Variants in RASA3 observed in about 807,000 individuals in gnomAD.
RASA3 encodes the protein RAS p21 protein activator 3.
A neutral mutation model predicts 110.0 loss-of-function variants in RASA3; 73 were observed. The observed-to-expected ratio is 0.66, with a 90% CI of 0.55 to 0.81. The LOEUF (loss-of-function observed/expected upper bound fraction) is 0.81. RASA3 is among the 30% of genes least tolerant of loss of function. RASA3 has a pLI of 0.00. For missense variants in RASA3, 976 were observed against 1,113.2 expected (o/e 0.88, Z 1.75); for synonymous variants, 500 against 451.4 (o/e 1.11, Z -1.37).
chr13:114,132,429 ACT>A lies in RASA3; in HGVS notation c.55+4_55+5del. 7 of 1,521,442 alleles carry A rather than the reference ACT, an allele frequency of 4.6e-6. No individual in the cohort carries two copies. Among genetic ancestry groups the A allele is most frequent in the Non-Finnish European group, 6.1e-6 (7 of 1,141,588 alleles). The allele number at this position is 1,521,442 out of a possible 1,614,324, so 94.2% of individuals were successfully genotyped here. On this transcript the variant is annotated splice_donor_5th_base_variant and intron_variant, in intron 1 of 23. Coordinates refer to ENST00000334062, the MANE Select transcript of RASA3 (RefSeq NM_007368.4). ...GTCGGACGCGTGGCTGCCGGCGGAC[ACT>A]CACCGATCTTGATCTTCACGCTCTG... is the stretch of plus-strand genomic sequence containing the variant.
At position 114,073,965 on chromosome 13, in the gene RASA3, C is replaced by T. The variant is rs1436260360; in HGVS notation, c.56-128G>A. 7.3e-6 allele frequency: 6 copies of T among 824,202 alleles called. No individual in the cohort carries two copies. The Admixed American group carries it at 1.2e-4, about 16-fold the overall frequency. 51.1% of individuals were successfully genotyped at this position (824,202 alleles called of 1,614,324 possible). On this transcript the variant is annotated intron_variant, in intron 1 of 23. Coordinates refer to ENST00000334062, the MANE Select transcript of RASA3 (RefSeq NM_007368.4). ...TCTCTATAAAGCCTTGGTTTTTTTGCCACCACAAGTCAAAATGTGGATGTG... is the reference window on the plus strand; with the variant it reads ...TCTCTATAAAGCCTTGGTTTTTTTGTCACCACAAGTCAAAATGTGGATGTG...
rs1044009602 is a variant in RASA3 at position 113,979,027 on chromosome 13, T to C, written c.*320A>G. ...GTCGACTAGACGGGCCGTGGCTCCCTGAGGCTGGCTGTGGTGTGGCTAGGG... is the reference window on the plus strand; with the variant it reads ...GTCGACTAGACGGGCCGTGGCTCCCCGAGGCTGGCTGTGGTGTGGCTAGGG... On this transcript the variant is annotated 3_prime_UTR_variant, in exon 24 of 24. Transcript: ENST00000334062. The C allele has an allele frequency of 5.3e-6, 2 of 378,628 alleles. No homozygotes were observed. Among genetic ancestry groups the C allele is most frequent in the African/African-American group, 2.0e-5 (1 of 48,940 alleles). 23.5% of individuals were successfully genotyped at this position (378,628 alleles called of 1,614,324 possible). A position where few individuals can be genotyped will look rare whatever the true frequency, so the allele number is the denominator to read the frequency against.
Position 114,123,738 on chromosome 13 carries a change from C to T in RASA3, c.55+8697G>A, listed in dbSNP as rs188340845. Among the ~76,000 whole-genome samples, 61 of 152,304 alleles carry T rather than the reference C, an allele frequency of 4.0e-4. 2 individuals carry two copies. In the East Asian group the frequency reaches 5.6e-3, roughly 14 times the overall value. Reference sequence around the variant, plus strand: ...CATCCTGGGGCGAGGGAGGCACCCACGGGGTGGGCCATGCGGGGCTGGGAG... The same window carrying T: ...CATCCTGGGGCGAGGGAGGCACCCATGGGGTGGGCCATGCGGGGCTGGGAG... On this transcript the variant is annotated intron_variant, in intron 1 of 23. Transcript: ENST00000334062.
chr13:114,040,976 C>A, intron 4 of RASA3, 24 bp downstream of exon 4: 1 of 1,611,518 alleles, frequency 6.2e-7, no homozygotes, highest in Non-Finnish European at 8.5e-7. Flanking sequence ...GCTCTGGTTT[C>A]CGGGGCTGCG....
chr13:114,107,369 C>T (rs2080148695), intron 1 of RASA3, among the ~76,000 whole-genome samples: 1 of 152,104 alleles, frequency 6.6e-6, no homozygotes, highest in East Asian at 1.9e-4. Flanking sequence ...GCCTGTGTGT[C>T]CTGCCTTCGT....
intron 13 of RASA3, 32 bp downstream of exon 13, chr13:114,016,161 GTGAC>G (rs1566482892): frequency 6.6e-7 from 1 of 1,525,110 alleles, no homozygotes; most frequent in Admixed American, 1.7e-5. Flanking sequence ...CCCCAAGCAG[GTGAC>G]TGGCTTTGGT....
intron 20 of RASA3, 129 bp downstream of exon 20, chr13:113,999,456 C>G: frequency 1.4e-6 from 1 of 717,124 alleles, no homozygotes; most frequent in East Asian, 2.7e-5. Flanking sequence ...CCGAGTAACA[C>G]GAAGACTCTG....
chr13:114,073,130 G>A (rs1386561802), intron 2 of RASA3, among the ~76,000 whole-genome samples: 2 of 150,530 alleles, frequency 1.3e-5, no homozygotes, highest in East Asian at 3.9e-4. Context: ...TGGGAAAATG[G>A]GACGGTGATG....
At chr13:114,107,125 G>A (rs1048801015) in intron 1 of RASA3, among the ~76,000 whole-genome samples, 31 of 152,174 alleles carry the variant, frequency 2.0e-4, no homozygotes, top group African/African-American at 7.5e-4. Flanking sequence ...CACGGTCTGC[G>A]GACAGCGTTC....
At chr13:114,088,337 C>T (rs1467599512) in intron 1 of RASA3, among the ~76,000 whole-genome samples, 2 of 152,198 alleles carry the variant, frequency 1.3e-5, no homozygotes, top group Non-Finnish European at 2.9e-5. Context: ...TCTGCTCACT[C>T]TCAGGGCCAC....
intron 1 of RASA3, among the ~76,000 whole-genome samples, chr13:114,102,756 C>T (rs1040579384): frequency 2.0e-5 from 3 of 152,202 alleles, no homozygotes; most frequent in African/African-American, 4.8e-5. Context: ...GACTAAACCA[C>T]CTCTGTCCTA....
intron 1 of RASA3, among the ~76,000 whole-genome samples, chr13:114,081,063 T>TCCACGTAGAACACCAAGAGTGC (rs1566560791): frequency 1.5e-4 from 7 of 47,524 alleles, no homozygotes; most frequent in African/African-American, 7.5e-4. Flanking sequence ...ACCAAGAGTG[T>TCCACGTAGAACACCAAGAGTGC]CCCACGGCAG....
chr13:114,071,798 C>A (rs1424062584), intron 2 of RASA3, among the ~76,000 whole-genome samples: 1 of 152,218 alleles, frequency 6.6e-6, no homozygotes, highest in Admixed American at 6.5e-5. Context: ...GAGCCCCAGT[C>A]TCTCCAGGGC....
At chr13:114,045,866 T>C (rs368780583) in intron 3 of RASA3, among the ~76,000 whole-genome samples, 4 of 152,224 alleles carry the variant, frequency 2.6e-5, no homozygotes, top group African/African-American at 9.6e-5. Flanking sequence ...GAAATAAATG[T>C]TTTTAAATGT....
rs747817978 is a variant in RASA3, at chr13:114,018,712, G to A, written c.942+51C>T. On this transcript the variant is annotated intron_variant, in intron 10 of 23. Coordinates refer to ENST00000334062, the MANE Select transcript of RASA3 (RefSeq NM_007368.4). Reference sequence around the variant, plus strand: ...GGCCCGGGTGTAGGGTGGGGCCCCAGGCAGGTGGCACCTCCTGCCCACACC... The same window carrying A: ...GGCCCGGGTGTAGGGTGGGGCCCCAAGCAGGTGGCACCTCCTGCCCACACC... The A allele has an allele frequency of 2.5e-6, 4 of 1,598,374 alleles. No homozygotes were observed. The African/African-American group carries it at 4.0e-5, about 16-fold the overall frequency.
intron 8 of RASA3, 79 bp from the exon 9 acceptor site, chr13:114,021,587 C>A (rs945051840): frequency 1.1e-5 from 13 of 1,163,362 alleles, no homozygotes; most frequent in Non-Finnish European, 1.4e-5. Context: ...ACGCTTTGTT[C>A]CCCCAGGAGC....
In RASA3 at chr13:114,096,187, C is replaced by A. The variant is rs756648731; in HGVS notation, c.56-22350G>T. ...AGGGGTGCTCTCCAGGTGGCCCTGG[C>A]GGCATCGGTGTGCTGGGAAGGGAGT... is the stretch of plus-strand genomic sequence containing the variant. On this transcript the variant is annotated intron_variant, in intron 1 of 23. Coordinates refer to ENST00000334062, the MANE Select transcript of RASA3 (RefSeq NM_007368.4). The surrounding 1 kb of genome is among the most constrained non-coding windows in gnomAD (Gnocchi z 5.1). Among the ~76,000 whole-genome samples the A allele has an allele frequency of 2.0e-5, 3 of 152,130 alleles. No individual in the cohort carries two copies. Among genetic ancestry groups the A allele is most frequent in the African/African-American group, 7.2e-5 (3 of 41,414 alleles).
chr13:114,012,462 CCA>C (rs995087069), intron 15 of RASA3, among the ~76,000 whole-genome samples: 4 of 149,054 alleles, frequency 2.7e-5, no homozygotes, highest in African/African-American at 7.5e-5. Flanking sequence ...CATGCACCGT[CCA>C]CACACACTCC....
intron 1 of RASA3, among the ~76,000 whole-genome samples, chr13:114,121,453 G>GCC (rs910007830): frequency 1.3e-5 from 2 of 152,186 alleles, no homozygotes; most frequent in Non-Finnish European, 2.9e-5. Context: ...GCCAACAGAA[G>GCC]CCCACCGGAG....
Sources: gnomAD v4.1 joint callset for allele counts (sites outside exome capture counted in the v4.1 genomes callset) on GRCh38, gnomAD v4.1.1 for gene constraint, Gnocchi (gnomAD v3.1) non-coding constraint, MANE v1.5 for transcripts, NCBI Gene and HGNC (gene_info 2026-07-23, HGNC 2026-07-21) for gene names.